Variants in SLC13A2 observed in about 807,000 individuals in gnomAD.
The protein encoded by SLC13A2 is solute carrier family 13 member 2, also known as Na(+)-coupled citrate transporter.
SLC13A2 carries 40 observed loss-of-function variants against 58.5 expected under a neutral mutation model. That is an observed-to-expected ratio of 0.68 (90% CI 0.53 to 0.89). SLC13A2 has a LOEUF of 0.89. SLC13A2 is among the 40% of genes least tolerant of loss of function. The pLI is 0.00. For synonymous variants in SLC13A2, 341 were observed against 331.6 expected (o/e 1.03, Z -0.31); for missense variants, 694 against 772.6 (o/e 0.90, Z 1.21).
In SLC13A2 at chr17:28,490,528, C is replaced by T. The variant is rs1168430846; in HGVS notation, c.306C>T (p.His102=). ...GGLLVAIAVE[H]WNLHKRIALR... is the part of the protein sequence containing the mutation. ...TGCTGGTGGCCATCGCGGTGGAACA[C>T]TGGAACCTGCATAAACGCATCGCCC... Residue 102 remains histidine (H), a synonymous_variant, in exon 3 of 12, where the codon CAC becomes CAT. Transcript: ENST00000314669. 3 of 1,613,982 alleles carry T rather than the reference C, an allele frequency of 1.9e-6. No homozygotes were observed. The African/African-American group carries it at 4.0e-5, about 22-fold the overall frequency.
chr17:28,494,026 C>T lies in SLC13A2; in HGVS notation c.1107C>T (p.Ser369=), dbSNP rs782497892. ...FPNAKGESMV[S]DGTVAIFIGI... ...CCCCCTCCACCAACAGCATGGTGTC[C>T]GATGGGACAGTGGCCATCTTCATCG... is the stretch of plus-strand genomic sequence containing the variant. Residue 369 remains serine (S), a synonymous_variant, in exon 8 of 12, where the codon TCC becomes TCT. Coordinates refer to ENST00000314669, the MANE Select transcript of SLC13A2 (RefSeq NM_003984.4). This position sits in a 1 kb window ranked among gnomAD's most constrained non-coding sequence, Gnocchi z 4.0. 2.5e-6 allele frequency: 4 copies of T among 1,614,084 alleles called. No homozygotes were observed. Among genetic ancestry groups the T allele is most frequent in the Admixed American group, 1.7e-5 (1 of 60,030 alleles).
intron 1 of SLC13A2, among the ~76,000 whole-genome samples, chr17:28,487,153 A>G (rs2068897717): frequency 6.6e-6 from 1 of 152,214 alleles, no homozygotes; most frequent in Admixed American, 6.5e-5. Flanking sequence ...TCAAAGTGAC[A>G]TGCTTAACAG....
chr17:28,474,175 G>C (rs1289033228), intron 1 of SLC13A2, among the ~76,000 whole-genome samples: 1 of 152,194 alleles, frequency 6.6e-6, no homozygotes, highest in African/African-American at 2.4e-5. Flanking sequence ...TGGGCTGGCT[G>C]TGGGGAGGGG....
Position 28,490,530 on chromosome 17 carries a change from G to A in SLC13A2, c.308G>A (p.Trp103Ter). ...GLLVAIAVEH[W>*]NLHKRIALRV... is the part of the protein sequence containing the mutation. ...CTGGTGGCCATCGCGGTGGAACACT[G>A]GAACCTGCATAAACGCATCGCCCTC... is the stretch of plus-strand genomic sequence containing the variant. Residue 103 changes from tryptophan (W) to a stop codon, truncating the protein, a stop_gained, in exon 3 of 12, where the codon TGG becomes TAG. Transcript: ENST00000314669. LOFTEE classifies it high-confidence loss of function. 1.2e-6 allele frequency: 2 copies of A among 1,614,050 alleles called. No individual in the cohort carries two copies. The highest frequency in any genetic ancestry group is 4.5e-5 in the East Asian group (2 of 44,884).
Position 28,496,422 on chromosome 17 carries a change from A to G in SLC13A2, c.1471-28A>G. On this transcript the variant is annotated intron_variant, in intron 10 of 11. Coordinates refer to ENST00000314669, the MANE Select transcript of SLC13A2 (RefSeq NM_003984.4). The surrounding 1 kb of genome is among the most constrained non-coding windows in gnomAD (Gnocchi z 4.2). ...TCCCTCTGGCTTGGGGACCAAGTTC[A>G]GCTCTGCGCCACTGCCTCCCACTCC... 1.3e-6 allele frequency: 2 copies of G among 1,574,604 alleles called. No individual in the cohort carries two copies. The highest frequency in any genetic ancestry group is 1.2e-5 in the South Asian group (1 of 86,102).
chr17:28,480,664 G>C (rs2068768284), intron 1 of SLC13A2, among the ~76,000 whole-genome samples: 2 of 152,146 alleles, frequency 1.3e-5, no homozygotes, highest in Non-Finnish European at 2.9e-5. Context: ...TATACGTAGA[G>C]TACCTGGCAC....
At chr17:28,480,522 A>G (rs567829493) in intron 1 of SLC13A2, among the ~76,000 whole-genome samples, 106 of 152,256 alleles carry the variant, frequency 7.0e-4, no homozygotes, top group Non-Finnish European at 1.4e-3. Flanking sequence ...TGAACAAAAC[A>G]TGGATTTTGG....
Position 28,490,700 on chromosome 17 carries a change from G to A in SLC13A2, c.369-1G>A, listed in dbSNP as rs1441468154. 2.9e-5 allele frequency: 47 copies of A among 1,611,484 alleles called. No homozygotes were observed. The highest frequency in any genetic ancestry group is 3.8e-5 in the Non-Finnish European group (45 of 1,178,200). On this transcript the variant is annotated splice_acceptor_variant, in intron 3 of 11. Transcript: ENST00000314669. LOFTEE classifies it high-confidence loss of function. Reference sequence around the variant, plus strand: ...CAGTGTGTCTGTCTGCCCATCCCTAGGCTAATCCTGGGCTTCATGCTGGTC... The same window carrying A: ...CAGTGTGTCTGTCTGCCCATCCCTAAGCTAATCCTGGGCTTCATGCTGGTC...
chr17:28,493,591 T>C lies in SLC13A2; in HGVS notation c.899T>C (p.Ile300Thr), dbSNP rs782583493. The change falls in exon 7 of 12, where the codon ATT becomes ACT. Residue 300 changes from isoleucine to threonine, a missense_variant. Transcript: ENST00000314669. The stretch of plus-strand genomic sequence containing the variant: ...TGCAGCTTCCGGAAGAACTTTGGCA[T>C]TGGGGAAAAGATGCAGGAGCAACAG... Reference protein sequence around the residue: ...LGFNFRKNFGIGEKMQEQQQA... With the variant: ...LGFNFRKNFGTGEKMQEQQQA... 8.7e-6 allele frequency: 14 copies of C among 1,606,008 alleles called. No individual in the cohort carries two copies. Among genetic ancestry groups the C allele is most frequent in the African/African-American group, 4.0e-5 (3 of 74,772 alleles).
chr17:28,477,485 T>C (rs146580808), intron 1 of SLC13A2, among the ~76,000 whole-genome samples: 4,484 of 150,404 alleles, frequency 0.03, 155 homozygotes, highest in African/African-American at 0.082. Context: ...TGAGCCACCA[T>C]GCCCGGCCAC....
chr17:28,496,382 T>G lies in SLC13A2; in HGVS notation c.1471-68T>G, dbSNP rs1217429030. 4 of 1,524,090 alleles carry G rather than the reference T, an allele frequency of 2.6e-6. No homozygotes were observed. Among genetic ancestry groups the G allele is most frequent in the Non-Finnish European group, 3.5e-6 (4 of 1,132,470 alleles). The allele number at this position is 1,524,090 out of a possible 1,614,324, so 94.4% of individuals were successfully genotyped here. A position where few individuals can be genotyped will look rare whatever the true frequency, so the allele number is the denominator to read the frequency against. Reference sequence around the variant, plus strand: ...TTGTTCCCCAGAGAAGCAGGAGAATTGGGGGCCATGCCCCTCCCTCTGGCT... The same window carrying G: ...TTGTTCCCCAGAGAAGCAGGAGAATGGGGGGCCATGCCCCTCCCTCTGGCT... On this transcript the variant is annotated intron_variant, in intron 10 of 11. Transcript: ENST00000314669. The surrounding 1 kb of genome is among the most constrained non-coding windows in gnomAD (Gnocchi z 4.2).
At chr17:28,480,767 G>T (rs1206648629) in intron 1 of SLC13A2, among the ~76,000 whole-genome samples, 1 of 152,198 alleles carries the variant, frequency 6.6e-6, no homozygotes, top group African/African-American at 2.4e-5. Flanking sequence ...GGAGCCCTGT[G>T]TGGATACCTC....
intron 4 of SLC13A2, 46 bp downstream of exon 4, chr17:28,490,952 G>A (rs1555603277): frequency 6.6e-7 from 1 of 1,526,106 alleles, no homozygotes; most frequent in Admixed American, 1.9e-5. Flanking sequence ...TTGGTTCTTG[G>A]AGAGAGTCTG....
In SLC13A2 at chr17:28,493,755, G is replaced by A. The variant is rs781898563; in HGVS notation, c.1063G>A (p.Gly355Ser). ...GGAGCCGGGCTTTTTTCTTGGCTGG[G>A]GCAATTTGGCTTTTCCCAATGCCAA... ...TREPGFFLGW[G>S]NLAFPNAKGE... The change falls in exon 7 of 12, where the codon GGC becomes AGC. Residue 355 changes from glycine (G) to serine (S), a missense_variant. Coordinates refer to ENST00000314669, the MANE Select transcript of SLC13A2 (RefSeq NM_003984.4). The A allele has an allele frequency of 1.9e-6, 3 of 1,614,192 alleles. No individual in the cohort carries two copies. The highest frequency in any genetic ancestry group is 2.5e-6 in the Non-Finnish European group (3 of 1,180,044).
intron 1 of SLC13A2, 35 bp downstream of exon 1, chr17:28,473,849 A>AG: frequency 6.3e-7 from 1 of 1,576,914 alleles, no homozygotes; most frequent in Non-Finnish European, 8.7e-7. Context: ...AGATAACTCC[A>AG]GGGGGCAGAG....
chr17:28,480,703 C>T (rs2068768759), intron 1 of SLC13A2, among the ~76,000 whole-genome samples: 3 of 152,290 alleles, frequency 2.0e-5, no homozygotes, highest in African/African-American at 4.8e-5. Context: ...TTGCTCCCTT[C>T]GCCCTCTGCC....
chr17:28,491,077 C>A (rs1407390196), intron 4 of SLC13A2, among the ~76,000 whole-genome samples, 171 bp downstream of exon 4: 2 of 152,186 alleles, frequency 1.3e-5, no homozygotes, highest in Non-Finnish European at 2.9e-5. Flanking sequence ...GTCAAGTACC[C>A]TGTTTTGGGA....
intron 11 of SLC13A2, 26 bp from the exon 12 acceptor site, chr17:28,497,073 A>G: frequency 3.1e-6 from 5 of 1,609,178 alleles, no homozygotes; most frequent in Non-Finnish European, 4.2e-6. Context: ...GTCCCTGCTT[A>G]GCCAAATGGA....
chr17:28,477,980 C>T (rs906796702), intron 1 of SLC13A2, among the ~76,000 whole-genome samples: 8 of 152,202 alleles, frequency 5.3e-5, no homozygotes, highest in Non-Finnish European at 5.9e-5. Context: ...ATCGCTTGAA[C>T]CCGGGAGGCG....
Sources: allele counts gnomAD v4.1 joint callset (sites outside exome capture counted in the v4.1 genomes callset), GRCh38; gene constraint gnomAD v4.1.1; non-coding constraint Gnocchi (gnomAD v3.1); transcripts MANE v1.5; gene names NCBI Gene and HGNC (gene_info 2026-07-23, HGNC 2026-07-21).